Variants in ENPP3 observed in about 807,000 individuals in gnomAD.
ENPP3 encodes ectonucleotide pyrophosphatase/phosphodiesterase family member 3.
Under a neutral mutation model 117.8 loss-of-function variants are expected in ENPP3, and 104 were observed. The observed-to-expected ratio is 0.88, with a 90% CI of 0.75 to 1.04. The LOEUF is 1.04. ENPP3 is among the 50% of genes least tolerant of loss of function. ENPP3 has a pLI of 0.00. For synonymous variants in ENPP3, 380 were observed against 349.9 expected (o/e 1.09, Z -0.96); for missense variants, 1,026 against 1,051.9 (o/e 0.98, Z 0.34).
chr6:131,689,235 A>T (rs1373277076), intron 14 of ENPP3, among the ~76,000 whole-genome samples: 1 of 152,202 alleles, frequency 6.6e-6, no homozygotes, highest in Non-Finnish European at 1.5e-5. Flanking sequence ...ATGTAGAGGA[A>T]ACAGCCTTCC....
In ENPP3 at chr6:131,671,270, A is replaced by C. The variant is rs772971060; in HGVS notation, c.585A>C (p.Lys195Asn). 1 of 1,602,418 alleles carries C rather than the reference A, an allele frequency of 6.2e-7. No homozygotes were observed. Among genetic ancestry groups the C allele is most frequent in the Admixed American group, 1.7e-5 (1 of 59,920 alleles). Residue 195 changes from lysine (K) to asparagine (N), a missense_variant, in exon 7 of 25, where the codon AAA (lysine) becomes AAC (asparagine). Lys to Asn is a moderately conservative substitution (Grantham distance 94, BLOSUM62 0). Coordinates refer to ENST00000357639, the MANE Select transcript of ENPP3 (RefSeq NM_005021.5). ...CAGAAACATGTGGAATTCATTCAAA[A>C]TACATGAGAGCTATGTATCCTACCA... ...NKLKTCGIHS[K>N]YMRAMYPTKT...
chr6:131,703,646 G>T (rs534061943), intron 15 of ENPP3, among the ~76,000 whole-genome samples: 1 of 144,130 alleles, frequency 6.9e-6, no homozygotes, highest in Non-Finnish European at 1.5e-5. Context: ...AGAGATGACT[G>T]CTGTGTAAGA....
At chr6:131,677,567 C>A (rs977312774) in intron 10 of ENPP3, among the ~76,000 whole-genome samples, 8 of 152,136 alleles carry the variant, frequency 5.3e-5, no homozygotes, top group African/African-American at 1.9e-4. Context: ...AGCAAAAAGT[C>A]AGAAACCAGG....
chr6:131,661,746 T>C (rs956365772), intron 6 of ENPP3, among the ~76,000 whole-genome samples: 3 of 152,248 alleles, frequency 2.0e-5, no homozygotes, highest in Non-Finnish European at 4.4e-5. Flanking sequence ...ATGAGACTAT[T>C]GTATTTTTTG....
At chr6:131,679,234 A>G (rs1462893235) in intron 11 of ENPP3, among the ~76,000 whole-genome samples, 3 of 151,642 alleles carry the variant, frequency 2.0e-5, no homozygotes, top group African/African-American at 7.3e-5. Context: ...AGCTGGGACT[A>G]CAGGCATGCG....
At chr6:131,702,009 C>A (rs1370932182) in intron 15 of ENPP3, among the ~76,000 whole-genome samples, 3 of 151,598 alleles carry the variant, frequency 2.0e-5, no homozygotes, top group African/African-American at 7.3e-5. Context: ...ATTAATATAT[C>A]CTTTTGGTCT....
At chr6:131,728,213 G>C (rs1008861074) in intron 20 of ENPP3, among the ~76,000 whole-genome samples, 1 of 152,080 alleles carries the variant, frequency 6.6e-6, no homozygotes, top group Non-Finnish European at 1.5e-5. Flanking sequence ...TATTGTTTTC[G>C]AGAGGAGTGG....
chr6:131,637,815 A>G (rs1295198394), intron 1 of ENPP3, among the ~76,000 whole-genome samples: 2 of 151,978 alleles, frequency 1.3e-5, no homozygotes, highest in Admixed American at 6.6e-5. Context: ...ATTGTACCCT[A>G]TTATTTGCTG....
intron 20 of ENPP3, among the ~76,000 whole-genome samples, chr6:131,731,019 C>T (rs369050865): frequency 9.9e-5 from 15 of 152,020 alleles, no homozygotes; most frequent in South Asian, 2.1e-4. Flanking sequence ...TTTTGAGTCA[C>T]GTCTGCAACT....
At chr6:131,648,213 T>C (rs769169326) in intron 2 of ENPP3, among the ~76,000 whole-genome samples, 1 of 151,568 alleles carries the variant, frequency 6.6e-6, no homozygotes, top group South Asian at 2.1e-4. Flanking sequence ...CAAACTATAG[T>C]AGGATGAATT....
rs1257525400 is a variant in ENPP3, at chr6:131,670,184, A to G, written c.563-1064A>G. On this transcript the variant is annotated intron_variant, in intron 6 of 24. Coordinates refer to ENST00000357639, the MANE Select transcript of ENPP3 (RefSeq NM_005021.5). ...CTGTACTAAAAGTAAGAAGCAGTAAAGTTAGCTTAATTTGTAAACAGTACT... is the reference window on the plus strand; with the variant it reads ...CTGTACTAAAAGTAAGAAGCAGTAAGGTTAGCTTAATTTGTAAACAGTACT... 2.0e-5 allele frequency among the ~76,000 whole-genome samples: 3 copies of G among 152,246 alleles called. No individual in the cohort carries two copies. In the East Asian group the frequency reaches 5.8e-4, roughly 29 times the overall value.
intron 15 of ENPP3, among the ~76,000 whole-genome samples, chr6:131,716,225 C>A (rs761957521): frequency 6.6e-6 from 1 of 152,180 alleles, no homozygotes; most frequent in South Asian, 2.1e-4. Flanking sequence ...AGAATCAACT[C>A]ATTTTCCAAG....
At chr6:131,680,682 T>C (rs542345102) in intron 11 of ENPP3, among the ~76,000 whole-genome samples, 58 of 152,316 alleles carry the variant, frequency 3.8e-4, no homozygotes, top group African/African-American at 1.3e-3. Context: ...TAATATGACT[T>C]ATAAATTGAC....
intron 2 of ENPP3, among the ~76,000 whole-genome samples, chr6:131,642,303 G>C (rs1778061645): frequency 6.6e-6 from 1 of 151,908 alleles, no homozygotes; most frequent in African/African-American, 2.4e-5. Flanking sequence ...GTTCTTGATT[G>C]GACAGTGCCA....
rs1372573585 is a variant in ENPP3 at position 131,658,522 on chromosome 6, G to T, written c.562+102G>T. 2 of 671,218 alleles carry T rather than the reference G, an allele frequency of 3.0e-6. 1 individual carries two copies. The highest frequency in any genetic ancestry group is 3.6e-5 in the South Asian group (2 of 55,676). The allele number at this position is 671,218 out of a possible 1,614,324, so 41.6% of individuals were successfully genotyped here. The stretch of plus-strand genomic sequence containing the variant: ...TTCTGACTTTTAACGCTGGTGGTTT[G>T]TCTTAGCCTAGATCCTCTCTGACTT... On this transcript the variant is annotated intron_variant, in intron 6 of 24. Transcript: ENST00000357639.
At chr6:131,727,495 C>T (rs1157674581) in intron 20 of ENPP3, among the ~76,000 whole-genome samples, 2 of 133,720 alleles carry the variant, frequency 1.5e-5, no homozygotes, top group Non-Finnish European at 3.0e-5. Flanking sequence ...GTGGAGGTTG[C>T]AGTGAGCCAA....
intron 15 of ENPP3, among the ~76,000 whole-genome samples, chr6:131,707,302 A>G (rs1216542328): frequency 7.6e-5 from 8 of 104,824 alleles, no homozygotes; most frequent in Admixed American, 2.2e-4. Flanking sequence ...CTGTTTCATT[A>G]TGATATTTGA....
intron 14 of ENPP3, 28 bp downstream of exon 14, chr6:131,685,935 TA>T (rs1482979974): frequency 1.4e-6 from 1 of 715,508 alleles, no homozygotes; most frequent in East Asian, 2.8e-5. Context: ...TTAATACATA[TA>T]TTTAAGTTAA....
Position 131,672,644 on chromosome 6 carries a change from T to C in ENPP3, c.642+1317T>C, listed in dbSNP as rs574199027. On this transcript the variant is annotated intron_variant, in intron 7 of 24. Coordinates refer to ENST00000357639, the MANE Select transcript of ENPP3 (RefSeq NM_005021.5). The stretch of plus-strand genomic sequence containing the variant: ...TGACAACTTTATAGAATATAACTAC[T>C]ACGAATAATAATAATTGACTATATA... 5.9e-5 allele frequency among the ~76,000 whole-genome samples: 9 copies of C among 152,016 alleles called. No homozygotes were observed. In the East Asian group the frequency reaches 1.5e-3, roughly 26 times the overall value.
Sources: allele counts gnomAD v4.1 joint callset (sites outside exome capture counted in the v4.1 genomes callset), GRCh38; gene constraint gnomAD v4.1.1; transcripts MANE v1.5; gene names NCBI Gene and HGNC (gene_info 2026-07-23, HGNC 2026-07-21).